The following DAB1 variants were observed in gnomAD, a reference collection of about 807,000 sequenced individuals.
DAB1 encodes DAB adaptor protein 1.
In DAB1, 15 loss-of-function variants were observed where a neutral mutation model predicts 64.6. The ratio of observed to expected loss-of-function variants is 0.23; its 90% CI spans 0.16 to 0.36. DAB1 has a LOEUF of 0.36. DAB1 is among the 10% of genes least tolerant of loss of function. The pLI is 1.00. For missense variants in DAB1, 596 were observed against 706.7 expected, an observed-to-expected ratio of 0.84 and a Z score of 1.78; for synonymous variants, 235 against 251.9, an observed-to-expected ratio of 0.93 and a Z score of 0.64.
intron 9 of DAB1, among the ~76,000 whole-genome samples, chr1:57,034,278 C>CAAAAAAAAAAAAAAA (rs375684000): frequency 1.3e-4 from 15 of 119,102 alleles, no homozygotes; most frequent in African/African-American, 3.1e-4. Context: ...GACTCCATTT[C>CAAAAAAAAAAAAAAA]AAAAAAAAAA....
intron 7 of DAB1, among the ~76,000 whole-genome samples, chr1:57,535,130 T>C (rs899108781): frequency 2.6e-5 from 4 of 152,172 alleles, no homozygotes; most frequent in Non-Finnish European, 5.9e-5. Context: ...TCATAATTTC[T>C]GCCACTGCAT....
chr1:57,082,809 G>A (rs1021472578), intron 4 of DAB1, among the ~76,000 whole-genome samples: 7 of 152,102 alleles, frequency 4.6e-5, no homozygotes, highest in Admixed American at 2.0e-4. Flanking sequence ...TTAGTTTGCC[G>A]AGGATAACAG....
intron 4 of DAB1, among the ~76,000 whole-genome samples, chr1:58,238,522 G>A (rs1660149846): frequency 6.6e-6 from 1 of 152,042 alleles, no homozygotes; most frequent in Non-Finnish European, 1.5e-5. Flanking sequence ...GGAATGAGAT[G>A]GAAAAAAATT....
intron 7 of DAB1, among the ~76,000 whole-genome samples, chr1:57,468,578 AGGGTT>A (rs1687033354): frequency 6.6e-6 from 1 of 152,166 alleles, no homozygotes; most frequent in African/African-American, 2.4e-5. Flanking sequence ...CTGAACAGAC[AGGGTT>A]GGTATGGCAG....
chr1:58,487,245 T>C (rs143630687), intron 3 of DAB1, among the ~76,000 whole-genome samples: 3 of 152,322 alleles, frequency 2.0e-5, no homozygotes, highest in Admixed American at 6.5e-5. Context: ...TTTTCATGAA[T>C]AGGACACAGA....
At chr1:57,565,210 G>T (rs1232411376) in intron 7 of DAB1, among the ~76,000 whole-genome samples, 1 of 152,158 alleles carries the variant, frequency 6.6e-6, no homozygotes, top group African/African-American at 2.4e-5. Flanking sequence ...ATCCTTTCCA[G>T]ACAAGCAAAT....
At chr1:57,959,223 T>G (rs1448280466) in intron 5 of DAB1, among the ~76,000 whole-genome samples, 1 of 152,120 alleles carries the variant, frequency 6.6e-6, no homozygotes, top group Non-Finnish European at 1.5e-5. Context: ...ATGGGACAGG[T>G]GAGGTGGGGA....
intron 2 of DAB1, among the ~76,000 whole-genome samples, chr1:57,182,076 G>A (rs994394503): frequency 3.9e-5 from 6 of 151,974 alleles, no homozygotes; most frequent in South Asian, 4.2e-4. Flanking sequence ...TAATAGAGAC[G>A]GGGTTTCACC....
chr1:57,888,308 C>A (rs559912272), upstream of DAB1, among the ~76,000 whole-genome samples: 3 of 152,230 alleles, frequency 2.0e-5, no homozygotes, highest in Non-Finnish European at 4.4e-5. Flanking sequence ...ATCCACCATT[C>A]CCTAGGTCCC....
intron 1 of DAB1, among the ~76,000 whole-genome samples, 170 bp downstream of exon 1, chr1:57,423,760 G>C (rs1027321894): frequency 2.6e-5 from 4 of 152,114 alleles, no homozygotes; most frequent in African/African-American, 4.8e-5. Flanking sequence ...AACTGCTGCA[G>C]TCGCCATCCT....
intron 7 of DAB1, among the ~76,000 whole-genome samples, chr1:57,457,758 T>C (rs1261605551): frequency 6.6e-6 from 1 of 151,750 alleles, no homozygotes; most frequent in African/African-American, 2.4e-5. Flanking sequence ...AGAAAAATAA[T>C]ACAAGCAGTT....
intron 7 of DAB1, among the ~76,000 whole-genome samples, chr1:57,598,327 C>T (rs2101581289): frequency 6.6e-6 from 1 of 152,370 alleles, no homozygotes; most frequent in African/African-American, 2.4e-5. Flanking sequence ...TGCCCATGCA[C>T]AGACCACAGA....
intron 6 of DAB1, among the ~76,000 whole-genome samples, chr1:57,691,148 G>C (rs1486171460): frequency 6.6e-6 from 1 of 152,162 alleles, no homozygotes; most frequent in Non-Finnish European, 1.5e-5. Flanking sequence ...GAAGTTTTCT[G>C]TCTAGCTAGG....
chr1:57,992,143 G>A (rs944335738), intron 5 of DAB1, among the ~76,000 whole-genome samples: 3 of 152,076 alleles, frequency 2.0e-5, no homozygotes, highest in African/African-American at 2.4e-5. Context: ...AAATACACAC[G>A]GCATGATTCC....
At chr1:58,449,144 G>A (rs1415179817) in intron 3 of DAB1, among the ~76,000 whole-genome samples, 2 of 152,172 alleles carry the variant, frequency 1.3e-5, no homozygotes, top group African/African-American at 4.8e-5. Context: ...ACAGGGGAAG[G>A]GCCAGAGAGG....
intron 7 of DAB1, among the ~76,000 whole-genome samples, chr1:57,457,206 C>T (rs1385916087): frequency 6.6e-6 from 1 of 152,118 alleles, no homozygotes; most frequent in Non-Finnish European, 1.5e-5. Flanking sequence ...AAGAAAGAGC[C>T]TGTCTCAGTT....
rs1327889363 is a variant in DAB1, at chr1:58,542,441, C to A, written n.32+4262G>T. ...GAGACAAAACTGAACCTAAGTAAGA[C>A]TATTAGGGGATAATAAAATTCAGTT... is the stretch of plus-strand genomic sequence containing the variant. On this transcript the variant is annotated intron_variant and non_coding_transcript_variant, in intron 1 of 20. Coordinates refer to the DAB1 transcript ENST00000485760. 6 of 152,050 alleles carry A rather than the reference C, an allele frequency of 3.9e-5. No individual in the cohort carries two copies. The East Asian group carries it at 1.2e-3, about 29-fold the overall frequency. 9.4% of individuals were successfully genotyped at this position (152,050 alleles called of 1,614,324 possible).
At chr1:58,259,094 T>G (rs913817578) in intron 4 of DAB1, among the ~76,000 whole-genome samples, 3 of 152,206 alleles carry the variant, frequency 2.0e-5, no homozygotes, top group Non-Finnish European at 4.4e-5. Flanking sequence ...TAAGGTGATA[T>G]AAGTGACCCA....
chr1:57,949,166 G>C lies in DAB1; in HGVS notation n.388-65004C>G, dbSNP rs569456354. Reference sequence around the variant, plus strand: ...TTTATGCAAGACAATATTTCCATGGGGGGGGCTGGGGGGATGGTTTGGGGA... The same window carrying C: ...TTTATGCAAGACAATATTTCCATGGCGGGGGCTGGGGGGATGGTTTGGGGA... On this transcript the variant is annotated intron_variant and non_coding_transcript_variant, in intron 5 of 20. Transcript: ENST00000485760. Among the ~76,000 whole-genome samples the C allele has an allele frequency of 2.9e-4, 44 of 152,210 alleles. No homozygotes were observed. The South Asian group carries it at 7.9e-3, about 27-fold the overall frequency.
Sources: gnomAD v4.1 joint callset for allele counts (sites outside exome capture counted in the v4.1 genomes callset) on GRCh38, gnomAD v4.1.1 for gene constraint, MANE v1.5 for transcripts, NCBI Gene and HGNC (gene_info 2026-07-23, HGNC 2026-07-21) for gene names.